RANBP17: variants seen among roughly 807,000 people sequenced by gnomAD.
RANBP17 encodes the protein RAN binding protein 17.
A neutral mutation model predicts 141.2 loss-of-function variants in RANBP17; 158 were observed. The ratio of observed to expected loss-of-function variants is 1.12; its 90% confidence interval spans 0.98 to 1.28. The LOEUF (loss-of-function observed/expected upper bound fraction) is 1.28. Ranked by LOEUF, RANBP17 falls within the 50% of genes most tolerant of loss-of-function variation. The pLI, the probability that RANBP17 is intolerant of heterozygous loss-of-function variation, is 0.00. For synonymous variants in RANBP17, 430 were observed against 450.0 expected (o/e 0.96, Z 0.56); for missense variants, 1,438 against 1,290.7 (o/e 1.11, Z -1.75).
In RANBP17 at chr5:171,102,598, A is replaced by G. The variant is rs778447168; in HGVS notation, c.1711-67532A>G. 3.9e-5 allele frequency among the ~76,000 whole-genome samples: 6 copies of G among 151,940 alleles called. No homozygotes were observed. In the South Asian group the frequency reaches 6.2e-4, roughly 16 times the overall value. On this transcript the variant is annotated intron_variant, in intron 14 of 27. Transcript: ENST00000523189. ...CACTTTCTGAAGCCTCCTTCTATCA[A>G]TTCGTCAAACTAATTCTCTGTCCAA...
At chr5:171,236,569 C>T (rs531524239) in intron 22 of RANBP17, among the ~76,000 whole-genome samples, 43 of 152,054 alleles carry the variant, frequency 2.8e-4, no homozygotes, top group South Asian at 2.1e-4. Flanking sequence ...TATTTTATAC[C>T]GCACACACTC....
intron 22 of RANBP17, among the ~76,000 whole-genome samples, chr5:171,238,922 T>C (rs1015464177): frequency 6.6e-6 from 1 of 152,178 alleles, no homozygotes; most frequent in Non-Finnish European, 1.5e-5. Context: ...TTGACATACC[T>C]CTCTGATGGC....
rs1349727450 is a variant in RANBP17 at position 170,881,812 on chromosome 5, T to C, written c.172T>C (p.Tyr58His). 6.3e-7 allele frequency: 1 copy of C among 1,592,688 alleles called. No individual in the cohort carries two copies. The highest frequency in any genetic ancestry group is 1.7e-5 in the Admixed American group (1 of 58,062). The change falls in exon 3 of 28, where the codon TAT becomes CAT. Residue 58 changes from tyrosine to histidine, a missense_variant. Transcript: ENST00000523189. ...ATAAAATTATTCTTTACAGACATCC[T>C]ATGCTCAGCTCCTTGCAGCAACATG... is the stretch of plus-strand genomic sequence containing the variant. ...QLLLEQGTTS[Y>H]AQLLAATCLS...
chr5:171,065,028 T>C (rs191788957), intron 14 of RANBP17, among the ~76,000 whole-genome samples: 1 of 152,340 alleles, frequency 6.6e-6, no homozygotes, highest in African/African-American at 2.4e-5. Flanking sequence ...TTGTTTTTAA[T>C]TGCATCTAGG....
intron 14 of RANBP17, among the ~76,000 whole-genome samples, chr5:171,163,052 G>GT (rs1759457124): frequency 1.3e-5 from 2 of 152,154 alleles, no homozygotes; most frequent in Non-Finnish European, 2.9e-5. Context: ...TCCATAACCA[G>GT]TTTTTCTTTA....
chr5:171,212,285 C>T (rs1487727044), intron 20 of RANBP17, among the ~76,000 whole-genome samples: 1 of 152,122 alleles, frequency 6.6e-6, no homozygotes. Context: ...CCCTAACATA[C>T]TGTGTTGTAA....
chr5:171,030,337 G>A (rs1337954676), intron 14 of RANBP17, among the ~76,000 whole-genome samples: 2 of 152,030 alleles, frequency 1.3e-5, no homozygotes, highest in Non-Finnish European at 2.9e-5. Flanking sequence ...AAATAAAGTA[G>A]TTATTTACTT....
chr5:170,947,907 C>T (rs2127486902), intron 12 of RANBP17, among the ~76,000 whole-genome samples: 1 of 152,196 alleles, frequency 6.6e-6, no homozygotes, highest in Admixed American at 6.5e-5. Flanking sequence ...ACTAGGATGG[C>T]GTCACTTTCA....
At chr5:171,172,242 A>T (rs1760146857) in intron 16 of RANBP17, among the ~76,000 whole-genome samples, 1 of 151,912 alleles carries the variant, frequency 6.6e-6, no homozygotes, top group African/African-American at 2.4e-5. Flanking sequence ...TTAATATGCA[A>T]CTTTTTATTG....
intron 14 of RANBP17, among the ~76,000 whole-genome samples, chr5:171,074,485 A>AC (rs770689054): frequency 1.3e-5 from 2 of 152,216 alleles, no homozygotes; most frequent in East Asian, 3.8e-4. Flanking sequence ...ATATTATTGT[A>AC]CCAGTATTAA....
chr5:170,927,964 G>T (rs1156444333), intron 12 of RANBP17, among the ~76,000 whole-genome samples: 2 of 151,962 alleles, frequency 1.3e-5, no homozygotes, highest in African/African-American at 2.4e-5. Flanking sequence ...TTATGAAGTG[G>T]ATGTATCATT....
intron 14 of RANBP17, among the ~76,000 whole-genome samples, chr5:171,135,496 ATT>A (rs144121929): frequency 0.027 from 4,133 of 152,154 alleles, 178 homozygotes; most frequent in African/African-American, 0.093. Flanking sequence ...AGTATGGAAT[ATT>A]TATTTGCTAT....
At chr5:171,235,386 A>T (rs1764479061) in intron 22 of RANBP17, among the ~76,000 whole-genome samples, 2 of 151,698 alleles carry the variant, frequency 1.3e-5, no homozygotes, top group African/African-American at 4.8e-5. Flanking sequence ...GAATGAGCCA[A>T]TAGCAAACAA....
chr5:171,295,938 C>A lies in RANBP17; in HGVS notation c.3094C>A (p.Gln1032Lys), dbSNP rs1423356271. The A allele has an allele frequency of 5.0e-6, 8 of 1,613,746 alleles. No individual in the cohort carries two copies. The highest frequency in any genetic ancestry group is 5.9e-6 in the Non-Finnish European group (7 of 1,179,816). The change falls in exon 27 of 28, where the codon CAG becomes AAG. Residue 1032 changes from glutamine (Q) to lysine (K), a missense_variant. Coordinates refer to ENST00000523189, the MANE Select transcript of RANBP17 (RefSeq NM_022897.5). The stretch of plus-strand genomic sequence containing the variant: ...GATAAACAGCCAGCCCCTCCCCAAG[C>A]AGGAGGTCCTTGCCCAGTGCTTCAG... Reference protein sequence around the residue: ...SLINSQPLPKQEVLAQCFRNL... With the variant: ...SLINSQPLPKKEVLAQCFRNL...
intron 14 of RANBP17, among the ~76,000 whole-genome samples, chr5:171,011,425 T>C (rs998414198): frequency 1.3e-5 from 2 of 152,010 alleles, no homozygotes; most frequent in African/African-American, 4.8e-5. Context: ...TTTTTTAATA[T>C]GTGTTTAAAA....
chr5:170,962,742 TA>T (rs1320003483), intron 13 of RANBP17, among the ~76,000 whole-genome samples: 1 of 152,232 alleles, frequency 6.6e-6, no homozygotes, highest in Non-Finnish European at 1.5e-5. Context: ...TTCTTAAATC[TA>T]ATTCCTCAGC....
intron 14 of RANBP17, among the ~76,000 whole-genome samples, chr5:170,987,402 T>C (rs987633175): frequency 1.3e-5 from 2 of 151,688 alleles, no homozygotes; most frequent in Admixed American, 1.3e-4. Context: ...GTTTTCCTTC[T>C]TGGTGAGTGG....
chr5:171,043,318 A>C (rs1018017198), intron 14 of RANBP17, among the ~76,000 whole-genome samples: 6 of 152,144 alleles, frequency 3.9e-5, no homozygotes, highest in African/African-American at 1.4e-4. Flanking sequence ...TTCAAATGAA[A>C]TTTTACATAG....
chr5:171,037,512 C>T (rs1241564513), intron 14 of RANBP17, among the ~76,000 whole-genome samples: 2 of 152,146 alleles, frequency 1.3e-5, no homozygotes, highest in Non-Finnish European at 2.9e-5. Flanking sequence ...AATTCTTTCC[C>T]ATGACTGATG....
Sources: gnomAD v4.1 joint callset for allele counts (sites outside exome capture counted in the v4.1 genomes callset) on GRCh38, gnomAD v4.1.1 for gene constraint, MANE v1.5 for transcripts, NCBI Gene and HGNC (gene_info 2026-07-23, HGNC 2026-07-21) for gene names.